PROZ: variants seen among roughly 807,000 people sequenced by gnomAD.
PROZ encodes the protein vitamin K-dependent protein Z.
PROZ carries 46 observed loss-of-function variants against 34.9 expected under a neutral mutation model. The observed-to-expected ratio is 1.32, with a 90% CI of 1.04 to 1.69. PROZ has a LOEUF of 1.69. Among genes scored for constraint, PROZ ranks in the 40% most tolerant of loss-of-function variants. The probability of loss-of-function intolerance (pLI) is 0.00; values close to 1 mark genes in which losing one functional copy is unlikely to be tolerated. For synonymous variants in PROZ, 195 were observed against 208.5 expected (o/e 0.94, Z 0.56); for missense variants, 530 against 520.4 (o/e 1.02, Z -0.18).
Position 113,171,926 on chromosome 13 carries a change from G to A in PROZ, c.1024G>A (p.Glu342Lys). The part of the protein sequence containing the change: ...NVTVTTRTYC[E>K]RSSVAAMHWM... Reference sequence around the variant, plus strand: ...GACTGTCACCACCAGGACCTACTGTGAGAGAAGCAGCGTGGCGGCCATGCA... The same window carrying A: ...GACTGTCACCACCAGGACCTACTGTAAGAGAAGCAGCGTGGCGGCCATGCA... The change falls in exon 8 of 8, where the codon GAG becomes AAG. Residue 342 changes from glutamate to lysine, a missense_variant. Physicochemically the swap from Glu to Lys is moderately conservative, Grantham distance 56 (BLOSUM62 1). Transcript: ENST00000375547. This position sits in a 1 kb window ranked among gnomAD's most constrained non-coding sequence, Gnocchi z 5.1. The A allele has an allele frequency of 6.2e-7, 1 of 1,613,782 alleles. No homozygotes were observed. The highest frequency in any genetic ancestry group is 8.5e-7 in the Non-Finnish European group (1 of 1,180,044).
At chr13:113,167,210 C>T (rs2036964457) in intron 6 of PROZ, among the ~76,000 whole-genome samples, 1 of 152,126 alleles carries the variant, frequency 6.6e-6, no homozygotes, top group Admixed American at 6.5e-5. Flanking sequence ...GCGCAAGTGC[C>T]GTCTTCTCTC....
chr13:113,163,165 C>T (rs371286591), intron 4 of PROZ, 43 bp downstream of exon 4: 1 of 1,453,020 alleles, frequency 6.9e-7, no homozygotes, highest in Non-Finnish European at 9.4e-7. Context: ...CCTCCCTGGG[C>T]AGGTGGGCCT....
intron 4 of PROZ, among the ~76,000 whole-genome samples, chr13:113,163,563 C>A (rs2036816474): frequency 6.6e-6 from 1 of 152,192 alleles, no homozygotes; most frequent in Admixed American, 6.5e-5. Flanking sequence ...AACAAGCGTG[C>A]TCCGCTCTCA....
Position 113,171,916 on chromosome 13 carries a change from G to C in PROZ, c.1014G>C (p.Arg338Ser). 6.2e-7 allele frequency: 1 copy of C among 1,613,774 alleles called. No individual in the cohort carries two copies. The highest frequency in any genetic ancestry group is 8.5e-7 in the Non-Finnish European group (1 of 1,180,042). Residue 338 changes from arginine to serine, a missense_variant, in exon 8 of 8, where the codon AGG becomes AGC. Transcript: ENST00000375547. This position sits in a 1 kb window ranked among gnomAD's most constrained non-coding sequence, Gnocchi z 5.1. Reference sequence around the variant, plus strand: ...TCCTGAATGTGACTGTCACCACCAGGACCTACTGTGAGAGAAGCAGCGTGG... The same window carrying C: ...TCCTGAATGTGACTGTCACCACCAGCACCTACTGTGAGAGAAGCAGCGTGG... ...GQVLNVTVTT[R>S]TYCERSSVAA...
rs3024751 is a variant in PROZ at position 113,167,834 on chromosome 13, T to C, written c.574-2579T>C. On this transcript the variant is annotated intron_variant, in intron 6 of 7. Coordinates refer to ENST00000375547, the MANE Select transcript of PROZ (RefSeq NM_003891.3). The stretch of plus-strand genomic sequence containing the variant: ...TTAAAGCTATCATCTTGCTATCTTT[T>C]ATTTTTCTTATCTGTTCTTTTCCCC... 7.2e-3 allele frequency among the ~76,000 whole-genome samples: 1,100 copies of C among 152,342 alleles called. 18 individuals are homozygous for C. Among genetic ancestry groups the C allele is most frequent in the African/African-American group, 0.025 (1,029 of 41,574 alleles).
At chr13:113,163,157 TC>T (rs2036796055) in intron 4 of PROZ, 35 bp downstream of exon 4, 1 of 1,477,028 alleles carries the variant, frequency 6.8e-7, no homozygotes. Context: ...CCCAAGGGCC[TC>T]CCTGGGCAGG....
intron 6 of PROZ, among the ~76,000 whole-genome samples, chr13:113,169,171 T>C (rs1446242485): frequency 6.6e-6 from 1 of 152,252 alleles, no homozygotes; most frequent in Non-Finnish European, 1.5e-5. Flanking sequence ...CTCCGTGTTT[T>C]ACTTTTGATA....
At position 113,159,931 on chromosome 13, in the gene PROZ, GC is replaced by G; in HGVS notation, c.71-81del. The G allele has an allele frequency of 6.5e-7, 1 of 1,549,302 alleles. No individual in the cohort carries two copies. The highest frequency in any genetic ancestry group is 8.9e-7 in the Non-Finnish European group (1 of 1,123,882). ...GAGACGGACGGGGCTGGGGCTGGCG[GC>G]CGGCCGGGGAGGAAGCCAGGCAGCT... On this transcript the variant is annotated intron_variant, in intron 1 of 7. Transcript: ENST00000375547. This position sits in a 1 kb window ranked among gnomAD's most constrained non-coding sequence, Gnocchi z 4.6.
At chr13:113,161,632 C>A (rs2036761406) in intron 3 of PROZ, among the ~76,000 whole-genome samples, 1 of 152,140 alleles carries the variant, frequency 6.6e-6, no homozygotes, top group African/African-American at 2.4e-5. Context: ...GAAGAAAGGG[C>A]ACCCAGCAGA....
chr13:113,170,973 A>G (rs1268193249), intron 7 of PROZ, among the ~76,000 whole-genome samples: 6 of 151,018 alleles, frequency 4.0e-5, no homozygotes, highest in Admixed American at 2.0e-4. Flanking sequence ...CTCAGGCTGG[A>G]GTGCAGTGGC....
chr13:113,172,175 G>C lies in PROZ; in HGVS notation c.*70G>C. 1.9e-6 allele frequency: 3 copies of C among 1,573,644 alleles called. No individual in the cohort carries two copies. Among genetic ancestry groups the C allele is most frequent in the Non-Finnish European group, 8.6e-7 (1 of 1,157,254 alleles). On this transcript the variant is annotated 3_prime_UTR_variant, in exon 8 of 8. Coordinates refer to ENST00000375547, the MANE Select transcript of PROZ (RefSeq NM_003891.3). ...ATTCCAAGCTGGCACTGCCACTGTG[G>C]AGGGCGCTGAAACTTCATCACACAC...
chr13:113,164,169 G>A (rs1412127264), intron 4 of PROZ, among the ~76,000 whole-genome samples: 6 of 151,812 alleles, frequency 4.0e-5, no homozygotes, highest in Admixed American at 2.6e-4. Context: ...TAGTAGAGAT[G>A]GGGTTTCACC....
In PROZ at chr13:113,160,240, G is replaced by A. The variant is rs891578484; in HGVS notation, c.234+63G>A. On this transcript the variant is annotated intron_variant, in intron 2 of 7. Coordinates refer to ENST00000375547, the MANE Select transcript of PROZ (RefSeq NM_003891.3). The stretch of plus-strand genomic sequence containing the variant: ...ATTTAGACTTCTGCTGGCCCAGGGA[G>A]CATCATTTCTCAGAGATTAAGCTTA... The A allele has an allele frequency of 1.1e-5, 18 of 1,569,718 alleles. No individual in the cohort carries two copies. In the African/African-American group the frequency reaches 1.9e-4, roughly 16 times the overall value.
Position 113,163,043 on chromosome 13 carries a change from C to T in PROZ, c.294C>T (p.His98=). 1 of 1,561,822 alleles carries T rather than the reference C, an allele frequency of 6.4e-7. No individual in the cohort carries two copies. Among genetic ancestry groups the T allele is most frequent in the Non-Finnish European group, 8.7e-7 (1 of 1,152,278 alleles). ...CGTGCATCTCCCAGCCCTGCCTCCA[C>T]AACGGCTCTTGCCAGGACAGCATCT... ...GSPCISQPCL[H]NGSCQDSIWG... The change falls in exon 4 of 8, where the codon CAC becomes CAT. Residue 98 remains histidine (H), a synonymous_variant. Transcript: ENST00000375547.
At position 113,165,102 on chromosome 13, in the gene PROZ, A is replaced by G. The variant is rs1329042310; in HGVS notation, c.555A>G (p.Leu185=). The G allele has an allele frequency of 6.2e-7, 1 of 1,612,296 alleles. No individual in the cohort carries two copies. The highest frequency in any genetic ancestry group is 1.3e-5 in the African/African-American group (1 of 74,916). The change falls in exon 6 of 8, where the codon CTA becomes CTG. Residue 185 remains leucine, a synonymous_variant. Transcript: ENST00000375547. ...CCTCTGAGAAGCGTGCACCGGATCTACAGGACCTCCCGTGGCAGGTAACAG... is the reference window on the plus strand; with the variant it reads ...CCTCTGAGAAGCGTGCACCGGATCTGCAGGACCTCCCGTGGCAGGTAACAG... ...VLTSEKRAPD[L]QDLPWQVKLT...
chr13:113,167,049 A>G (rs2036958469), intron 6 of PROZ, among the ~76,000 whole-genome samples: 1 of 152,220 alleles, frequency 6.6e-6, no homozygotes, highest in South Asian at 2.1e-4. Context: ...GAAGTTATTT[A>G]ACTGAATATA....
intron 6 of PROZ, among the ~76,000 whole-genome samples, chr13:113,168,903 A>C (rs974264383): frequency 2.0e-5 from 3 of 151,968 alleles, no homozygotes; most frequent in African/African-American, 7.3e-5. Flanking sequence ...TAATTTTTAA[A>C]TTTCATGTAG....
intron 6 of PROZ, 150 bp downstream of exon 6, chr13:113,165,270 TCCAA>T: frequency 1.3e-6 from 1 of 758,316 alleles, no homozygotes; most frequent in South Asian, 1.5e-5. Context: ...TATTCACACT[TCCAA>T]CCATGTTCTA....
At chr13:113,166,132 C>T (rs1235744027) in intron 6 of PROZ, 1 of 152,242 alleles carries the variant, frequency 6.6e-6, no homozygotes, top group Non-Finnish European at 1.5e-5. Flanking sequence ...CTGAGTATAT[C>T]CTTCAGAACA....
Sources: gnomAD v4.1 joint callset for allele counts (sites outside exome capture counted in the v4.1 genomes callset) on GRCh38, gnomAD v4.1.1 for gene constraint, Gnocchi (gnomAD v3.1) non-coding constraint, MANE v1.5 for transcripts, NCBI Gene and HGNC (gene_info 2026-07-23, HGNC 2026-07-21) for gene names.